Variants in NELL1 observed in about 807,000 individuals in gnomAD.
NELL1 encodes the protein neural EGFL like 1, also known as protein kinase C-binding protein NELL1.
A neutral mutation model predicts 107.4 loss-of-function variants in NELL1; 76 were observed. The observed-to-expected ratio is 0.71, with a 90% CI of 0.59 to 0.86. The LOEUF is 0.86. Ranked by LOEUF, NELL1 falls within the 40% of genes least tolerant of loss-of-function variation. The pLI is 0.00. For synonymous variants in NELL1, 353 were observed against 341.2 expected (o/e 1.03, Z -0.38); for missense variants, 1,024 against 1,005.5 (o/e 1.02, Z -0.25).
intron 13 of NELL1, among the ~76,000 whole-genome samples, chr11:21,135,710 A>G (rs1351714868): frequency 2.0e-5 from 3 of 152,240 alleles, no homozygotes; most frequent in Non-Finnish European, 4.4e-5. Context: ...CAACTAAAAC[A>G]TATAACAACA....
At chr11:21,385,776 C>G (rs908429912) in intron 15 of NELL1, among the ~76,000 whole-genome samples, 1 of 151,928 alleles carries the variant, frequency 6.6e-6, no homozygotes, top group Non-Finnish European at 1.5e-5. Context: ...CAATGACTCG[C>G]TCCGAGTAGC....
chr11:20,743,423 G>A (rs975185343), intron 2 of NELL1, among the ~76,000 whole-genome samples: 5 of 152,004 alleles, frequency 3.3e-5, no homozygotes, highest in African/African-American at 9.7e-5. Flanking sequence ...AAGACTCATC[G>A]CTTATCTGCC....
rs141048922 is a variant in NELL1, at chr11:21,553,619, G to A, written c.1787-6570G>A. On this transcript the variant is annotated intron_variant, in intron 16 of 19. Coordinates refer to ENST00000357134, the MANE Select transcript of NELL1 (RefSeq NM_006157.5). Reference sequence around the variant, plus strand: ...TAAATTTTACCAAAGAGAAGCCTGGGGCCATCCAAAAGCAAGGGTTCTTTT... The same window carrying A: ...TAAATTTTACCAAAGAGAAGCCTGGAGCCATCCAAAAGCAAGGGTTCTTTT... Among the ~76,000 whole-genome samples, 59 of 151,758 alleles carry A rather than the reference G, an allele frequency of 3.9e-4. 1 individual carries two copies. Among genetic ancestry groups the A allele is most frequent in the African/African-American group, 1.4e-3 (57 of 41,476 alleles).
chr11:20,809,000 G>T (rs12292582), intron 3 of NELL1, among the ~76,000 whole-genome samples: 5,014 of 152,140 alleles, frequency 0.033, 102 homozygotes, highest in Admixed American at 0.049. Flanking sequence ...ATGCTTTTTT[G>T]TGTGTGTGTA....
At chr11:21,176,401 A>C (rs80096717) in intron 13 of NELL1, among the ~76,000 whole-genome samples, 2,670 of 151,860 alleles carry the variant, frequency 0.018, 153 homozygotes, top group African/African-American at 0.061. Flanking sequence ...GCATGGGATT[A>C]TTGGAAAGTG....
chr11:21,182,867 A>G (rs1467033223), intron 13 of NELL1, among the ~76,000 whole-genome samples: 1 of 151,878 alleles, frequency 6.6e-6, no homozygotes, highest in Non-Finnish European at 1.5e-5. Context: ...ATGGGAACCA[A>G]GTACTGCTAC....
At chr11:20,689,289 T>TTTA (rs913182771) in intron 2 of NELL1, among the ~76,000 whole-genome samples, 4 of 151,612 alleles carry the variant, frequency 2.6e-5, no homozygotes, top group African/African-American at 4.9e-5. Context: ...TTTTTTATTT[T>TTTA]TTATTATTAT....
At position 21,534,514 on chromosome 11, in the gene NELL1, G is replaced by A. The variant is rs1856083464; in HGVS notation, c.1786G>A (p.Asp596Asn). 4 of 1,613,482 alleles carry A rather than the reference G, an allele frequency of 2.5e-6. No homozygotes were observed. The African/African-American group carries it at 5.3e-5, about 22-fold the overall frequency. ...TYSLSGESCIDIDECALRTHT... is the reference protein window; with the variant it reads ...TYSLSGESCINIDECALRTHT... ...TTCACTGTCCGGGGAGTCCTGTATTGGTAAGCAGCTTTCAGGCATGCCCTC... is the reference window on the plus strand; with the variant it reads ...TTCACTGTCCGGGGAGTCCTGTATTAGTAAGCAGCTTTCAGGCATGCCCTC... Residue 596 changes from aspartate to asparagine, a missense_variant and splice_region_variant, in exon 16 of 20, where the codon GAC becomes AAC. Asp to Asn is a conservative substitution (Grantham distance 23, BLOSUM62 1). Transcript: ENST00000357134.
chr11:21,261,073 A>G (rs981888447), intron 14 of NELL1, among the ~76,000 whole-genome samples: 3 of 151,828 alleles, frequency 2.0e-5, no homozygotes, highest in African/African-American at 7.2e-5. Flanking sequence ...TCAGTTATCA[A>G]AGGGTTGCTT....
chr11:21,368,452 G>A (rs962928496), intron 14 of NELL1, among the ~76,000 whole-genome samples: 1 of 150,774 alleles, frequency 6.6e-6, no homozygotes, highest in African/African-American at 2.4e-5. Context: ...ACACCGGATT[G>A]TAGATTAACC....
At chr11:21,437,930 T>G (rs79937739) in intron 15 of NELL1, among the ~76,000 whole-genome samples, 2 of 152,230 alleles carry the variant, frequency 1.3e-5, no homozygotes, top group Non-Finnish European at 2.9e-5. Flanking sequence ...ACTTCTGTCC[T>G]TTCACTAGTT....
intron 9 of NELL1, among the ~76,000 whole-genome samples, chr11:20,936,734 C>G (rs11025818): frequency 0.068 from 10,297 of 152,246 alleles, 439 homozygotes; most frequent in East Asian, 0.2. Context: ...GTTGCCTGCC[C>G]TTTAGTAACA....
intron 15 of NELL1, among the ~76,000 whole-genome samples, chr11:21,462,218 T>G (rs894768005): frequency 3.9e-5 from 6 of 152,078 alleles, no homozygotes; most frequent in Non-Finnish European, 8.8e-5. Flanking sequence ...AAGAGCATAC[T>G]AGGCCAAATA....
intron 2 of NELL1, among the ~76,000 whole-genome samples, chr11:20,731,672 A>G (rs1040937154): frequency 3.3e-5 from 5 of 152,200 alleles, no homozygotes; most frequent in African/African-American, 1.2e-4. Flanking sequence ...CGGGTAGGTT[A>G]GGTAACTTAC....
rs1416258634 is a variant in NELL1 at position 20,909,333 on chromosome 11, C to G, written c.604-8849C>G. On this transcript the variant is annotated intron_variant, in intron 5 of 19. Transcript: ENST00000357134. ...TTTATAATGGAAAATTTTAAAAAAACAAAACAAAACAGGTAGCTTGGTCCT... is the reference window on the plus strand; with the variant it reads ...TTTATAATGGAAAATTTTAAAAAAAGAAAACAAAACAGGTAGCTTGGTCCT... Among the ~76,000 whole-genome samples the G allele has an allele frequency of 2.0e-5, 3 of 152,022 alleles. No individual in the cohort carries two copies. The East Asian group carries it at 5.8e-4, about 29-fold the overall frequency.
At chr11:21,536,913 G>A (rs1428374037) in intron 16 of NELL1, among the ~76,000 whole-genome samples, 2 of 152,124 alleles carry the variant, frequency 1.3e-5, no homozygotes, top group Non-Finnish European at 2.9e-5. Flanking sequence ...CTAACATGCT[G>A]AGTGGCATGT....
chr11:21,450,250 T>C (rs1291623254), intron 15 of NELL1, among the ~76,000 whole-genome samples: 1 of 152,216 alleles, frequency 6.6e-6, no homozygotes, highest in Admixed American at 6.5e-5. Context: ...GCCATCTGTG[T>C]CATTCTCTTT....
chr11:21,223,909 A>G (rs1238743499), intron 13 of NELL1, among the ~76,000 whole-genome samples: 1 of 152,082 alleles, frequency 6.6e-6, no homozygotes, highest in Non-Finnish European at 1.5e-5. Context: ...TTTCTCCATC[A>G]TTTCTGAAGG....
In NELL1 at chr11:21,195,374, A is replaced by G. The variant is rs537492350; in HGVS notation, c.1427-33958A>G. On this transcript the variant is annotated intron_variant, in intron 13 of 19. Coordinates refer to ENST00000357134, the MANE Select transcript of NELL1 (RefSeq NM_006157.5). The stretch of plus-strand genomic sequence containing the variant: ...AATACAGTAGGCTGGGGCAACCACT[A>G]TCAGAAAATCGGATCTGACTTTCAA... 5.3e-5 allele frequency among the ~76,000 whole-genome samples: 8 copies of G among 152,276 alleles called. No individual in the cohort carries two copies. The East Asian group carries it at 1.5e-3, about 29-fold the overall frequency.
Sources: allele counts gnomAD v4.1 joint callset (sites outside exome capture counted in the v4.1 genomes callset), GRCh38; gene constraint gnomAD v4.1.1; transcripts MANE v1.5; gene names NCBI Gene and HGNC (gene_info 2026-07-23, HGNC 2026-07-21).